Variants in MYLK observed in about 807,000 individuals in gnomAD.
MYLK encodes myosin light chain kinase, smooth muscle.
Under a neutral mutation model 203.4 loss-of-function variants are expected in MYLK, and 106 were observed. The ratio of observed to expected loss-of-function variants is 0.52; its 90% CI spans 0.45 to 0.61. The LOEUF is 0.61. MYLK is among the 20% of genes least tolerant of loss of function. The pLI is 0.00. For missense variants in MYLK, 2,072 were observed against 2,442.3 expected (o/e 0.85, Z 3.20); for synonymous variants, 867 against 959.5 (o/e 0.90, Z 1.78).
intron 3 of MYLK, among the ~76,000 whole-genome samples, chr3:123,817,359 T>A (rs1258541648): frequency 6.6e-6 from 1 of 151,996 alleles, no homozygotes; most frequent in Non-Finnish European, 1.5e-5. Flanking sequence ...TCTAGCAGAG[T>A]GGAACATATA....
chr3:123,748,591 G>T (rs1358034880), intron 5 of MYLK, among the ~76,000 whole-genome samples: 1 of 152,140 alleles, frequency 6.6e-6, no homozygotes, highest in Non-Finnish European at 1.5e-5. Context: ...AGATGTTGAA[G>T]AATGTAAAAT....
rs942265400 is a variant in MYLK at position 123,611,977 on chromosome 3, C to T, written c.*2128G>A. 1.3e-5 allele frequency: 2 copies of T among 152,174 alleles called. No homozygotes were observed. Among genetic ancestry groups the T allele is most frequent in the African/African-American group, 4.8e-5 (2 of 41,402 alleles). The allele number at this position is 152,174 out of a possible 1,614,324, so 9.4% of individuals were successfully genotyped here. A position where few individuals can be genotyped will look rare whatever the true frequency, so the allele number is the denominator to read the frequency against. Reference sequence around the variant, plus strand: ...TATAGATGATGCTTTGCTCACTTGCCCACTGCTAACCTCCTTATGTGTGAC... The same window carrying T: ...TATAGATGATGCTTTGCTCACTTGCTCACTGCTAACCTCCTTATGTGTGAC... On this transcript the variant is annotated 3_prime_UTR_variant, in exon 34 of 34. Transcript: ENST00000360304.
At chr3:123,693,823 C>T (rs1301518084) in intron 18 of MYLK, among the ~76,000 whole-genome samples, 1 of 152,228 alleles carries the variant, frequency 6.6e-6, no homozygotes, top group African/African-American at 2.4e-5. Context: ...TTCTTGCTTT[C>T]AGATGCACAA....
intron 3 of MYLK, among the ~76,000 whole-genome samples, chr3:123,800,477 G>T (rs2065157107): frequency 6.6e-6 from 1 of 152,106 alleles, no homozygotes; most frequent in Admixed American, 6.5e-5. Flanking sequence ...GAACTCCTGT[G>T]CTGTGTTTCT....
Position 123,621,171 on chromosome 3 carries a change from A to G in MYLK, c.5239-835T>C, listed in dbSNP as rs184945468. 5.3e-5 allele frequency: 8 copies of G among 152,368 alleles called. No individual in the cohort carries two copies. In the East Asian group the frequency reaches 1.5e-3, roughly 29 times the overall value. 9.4% of individuals were successfully genotyped at this position (152,368 alleles called of 1,614,324 possible). Reference sequence around the variant, plus strand: ...AATTTATTTACATTGCGAAAATTCTACCAAGCATAGGATCCCTAATAATGT... The same window carrying G: ...AATTTATTTACATTGCGAAAATTCTGCCAAGCATAGGATCCCTAATAATGT... On this transcript the variant is annotated intron_variant, in intron 31 of 33. Coordinates refer to ENST00000360304, the MANE Select transcript of MYLK (RefSeq NM_053025.4).
At chr3:123,725,330 T>C (rs952407617) in intron 12 of MYLK, among the ~76,000 whole-genome samples, 1 of 152,190 alleles carries the variant, frequency 6.6e-6, no homozygotes, top group Non-Finnish European at 1.5e-5. Context: ...TCCCACACTG[T>C]TGAAATTAAA....
chr3:123,739,696 G>T (rs1033776929), intron 6 of MYLK, among the ~76,000 whole-genome samples: 15 of 152,142 alleles, frequency 9.9e-5, no homozygotes, highest in Non-Finnish European at 1.6e-4. Flanking sequence ...CTATTGCCTT[G>T]ATTGTTAGAG....
At chr3:123,633,829 C>CTGTG (rs144834366) in intron 29 of MYLK, among the ~76,000 whole-genome samples, 3,830 of 151,830 alleles carry the variant, frequency 0.025, 67 homozygotes, top group Middle Eastern at 0.088. Context: ...ACTACACTTT[C>CTGTG]TGTGTGTGTG....
chr3:123,853,986 C>T (rs187655148), intron 2 of MYLK, among the ~76,000 whole-genome samples: 10 of 152,042 alleles, frequency 6.6e-5, no homozygotes, highest in Non-Finnish European at 1.5e-4. Context: ...ATGCTTCTCT[C>T]TTGCTGCATT....
intron 18 of MYLK, 79 bp downstream of exon 18, chr3:123,699,941 C>T (rs2061112750): frequency 6.3e-7 from 1 of 1,594,566 alleles, no homozygotes; most frequent in Non-Finnish European, 8.6e-7. Context: ...TAACAGGGGT[C>T]AGCGAGACCA....
intron 13 of MYLK, among the ~76,000 whole-genome samples, chr3:123,712,076 AC>A (rs1327347468): frequency 6.6e-6 from 1 of 151,968 alleles, no homozygotes; most frequent in Non-Finnish European, 1.5e-5. Context: ...AGAGCAGGTA[AC>A]CCCCCACGGT....
In MYLK at chr3:123,752,555, A is replaced by G; in HGVS notation, c.166-17T>C. ...ACCCCGGACCTTCAAGAAAAAGAAG[A>G]AAGGGTAAGAGCCTGTATTTCATGA... On this transcript the variant is annotated splice_polypyrimidine_tract_variant and intron_variant, in intron 4 of 33. Transcript: ENST00000360304. 6.2e-7 allele frequency: 1 copy of G among 1,603,888 alleles called. No individual in the cohort carries two copies. Among genetic ancestry groups the G allele is most frequent in the Non-Finnish European group, 8.5e-7 (1 of 1,175,416 alleles).
At chr3:123,801,325 T>C (rs187577616) in intron 3 of MYLK, among the ~76,000 whole-genome samples, 1 of 152,254 alleles carries the variant, frequency 6.6e-6, no homozygotes, top group Non-Finnish European at 1.5e-5. Flanking sequence ...CTACTCTCTC[T>C]GTTACCATCT....
chr3:123,721,685 CTGTT>C (rs1269840683), intron 13 of MYLK, among the ~76,000 whole-genome samples: 1 of 151,778 alleles, frequency 6.6e-6, no homozygotes, highest in African/African-American at 2.4e-5. Flanking sequence ...AGGCCACTGA[CTGTT>C]CAGGGAATAC....
At chr3:123,693,579 C>T (rs1019279634) in intron 18 of MYLK, 3 of 153,684 alleles carry the variant, frequency 2.0e-5, no homozygotes, top group African/African-American at 7.2e-5. Flanking sequence ...GATGGCCTTT[C>T]TTCTCCATGG....
chr3:123,673,276 T>C (rs2059974591), intron 20 of MYLK, among the ~76,000 whole-genome samples: 1 of 150,432 alleles, frequency 6.6e-6, no homozygotes, highest in South Asian at 2.1e-4. Flanking sequence ...GATCCTCATC[T>C]CAGCACCCAC....
chr3:123,717,749 G>A (rs559721151), intron 13 of MYLK, among the ~76,000 whole-genome samples: 1 of 152,238 alleles, frequency 6.6e-6, no homozygotes, highest in East Asian at 1.9e-4. Context: ...CCTGGGTCAG[G>A]AGGAAAGACA....
At chr3:123,755,546 C>T (rs1179110537) in intron 4 of MYLK, among the ~76,000 whole-genome samples, 1 of 152,156 alleles carries the variant, frequency 6.6e-6, no homozygotes, top group African/African-American at 2.4e-5. Context: ...TGACCTTGTT[C>T]AGTTCCAAGG....
At chr3:123,876,827 A>G (rs766031871) in intron 1 of MYLK, among the ~76,000 whole-genome samples, 32 of 152,226 alleles carry the variant, frequency 2.1e-4, no homozygotes, top group Non-Finnish European at 2.5e-4. Flanking sequence ...AACCACTGCT[A>G]TGAGGAAACA....
Sources: allele counts gnomAD v4.1 joint callset (sites outside exome capture counted in the v4.1 genomes callset), GRCh38; gene constraint gnomAD v4.1.1; transcripts MANE v1.5; gene names NCBI Gene and HGNC (gene_info 2026-07-23, HGNC 2026-07-21).